TUSC3: variants seen among roughly 807,000 people sequenced by gnomAD.
TUSC3 encodes the protein dolichyl-diphosphooligosaccharide--protein glycosyltransferase subunit TUSC3.
In TUSC3, 45 loss-of-function variants were observed where a neutral mutation model predicts 44.8. The ratio of observed to expected loss-of-function variants is 1.00; its 90% CI spans 0.79 to 1.29. The LOEUF is 1.29. TUSC3 is among the 50% of genes most tolerant of loss of function. The pLI, the probability that TUSC3 is intolerant of heterozygous loss-of-function variation, is 0.00. For synonymous variants in TUSC3, 212 were observed against 152.9 expected (o/e 1.39, Z -2.85); for missense variants, 519 against 437.9 (o/e 1.19, Z -1.65).
chr8:15,432,876 GC>G (rs1251819024), intron 1 of TUSC3, among the ~76,000 whole-genome samples: 2 of 152,136 alleles, frequency 1.3e-5, no homozygotes, highest in Non-Finnish European at 2.9e-5. Context: ...TCAGTTAGGG[GC>G]TGATAAAACC....
chr8:15,792,007 A>T, the TUSC3 span, among the ~76,000 whole-genome samples: 2 of 151,806 alleles, frequency 1.3e-5, no homozygotes, highest in Admixed American at 6.6e-5. Context: ...TTTCTAACAT[A>T]AAAAAAAGCC....
At chr8:15,817,981 A>G in the TUSC3 span, among the ~76,000 whole-genome samples, 1 of 152,154 alleles carries the variant, frequency 6.6e-6, no homozygotes, top group Admixed American at 6.6e-5. Context: ...GGAATGGAAA[A>G]AAGGAGGAAG....
In TUSC3 at chr8:15,466,224, A is replaced by G. The variant is rs531270962; in HGVS notation, n.92-17162A>G. ...TTCTGCCAGGGCCTAACTGTAGCAG[A>G]CACATTTCTTTGGAACAATTTCAAT... On this transcript the variant is annotated intron_variant and non_coding_transcript_variant, in intron 1 of 5. Transcript: ENST00000503191. 3.9e-4 allele frequency among the ~76,000 whole-genome samples: 60 copies of G among 152,322 alleles called. 1 individual carries two copies. Among genetic ancestry groups the G allele is most frequent in the Middle Eastern group, 3.4e-3 (1 of 294 alleles).
Position 15,420,963 on chromosome 8 carries a change from T to A in TUSC3, n.91+3658T>A, listed in dbSNP as rs564646068. 5.3e-4 allele frequency among the ~76,000 whole-genome samples: 80 copies of A among 152,310 alleles called. 1 individual carries two copies. The highest frequency in any genetic ancestry group is 1.8e-3 in the African/African-American group (76 of 41,576). ...GTGATTTAATCTAGTGTCTTTGATT[T>A]AACACCCTTTATATGCAAGTGACAC... On this transcript the variant is annotated intron_variant and non_coding_transcript_variant, in intron 1 of 5. Transcript: ENST00000503191.
intron 2 of TUSC3, among the ~76,000 whole-genome samples, chr8:15,517,354 C>A (rs17657626): frequency 2.0e-5 from 3 of 151,962 alleles, no homozygotes; most frequent in Non-Finnish European, 4.4e-5. Context: ...CTGAATTACA[C>A]CCCGATCTTT....
At chr8:15,436,413 C>G (rs1799945945) in intron 1 of TUSC3, among the ~76,000 whole-genome samples, 1 of 152,172 alleles carries the variant, frequency 6.6e-6, no homozygotes, top group African/African-American at 2.4e-5. Context: ...TTAGATTCGA[C>G]CAACAGTGAG....
intron 1 of TUSC3, among the ~76,000 whole-genome samples, chr8:15,552,526 A>G (rs531242078): frequency 6.6e-6 from 1 of 151,834 alleles, no homozygotes; most frequent in Admixed American, 6.6e-5. Flanking sequence ...AGAGCTAATC[A>G]TAGGAAATAA....
intron 2 of TUSC3, among the ~76,000 whole-genome samples, chr8:15,519,817 G>A (rs1801270427): frequency 6.6e-6 from 1 of 152,174 alleles, no homozygotes; most frequent in African/African-American, 2.4e-5. Context: ...CTAGGTGCCT[G>A]TTCTATGTTA....
At chr8:15,822,811 G>A in the TUSC3 span, among the ~76,000 whole-genome samples, 8 of 152,116 alleles carry the variant, frequency 5.3e-5, no homozygotes, top group Non-Finnish European at 1.2e-4. Context: ...TAAGAACTGA[G>A]AACTGAACAT....
rs577260482 is a variant in TUSC3 at position 15,464,542 on chromosome 8, A to T, written n.92-18844A>T. On this transcript the variant is annotated intron_variant and non_coding_transcript_variant, in intron 1 of 5. Transcript: ENST00000503191. Reference sequence around the variant, plus strand: ...GACACCTGAAACAAATATATGTGTTAAAATAAAGTTATTCAATATTTAGAT... The same window carrying T: ...GACACCTGAAACAAATATATGTGTTTAAATAAAGTTATTCAATATTTAGAT... Among the ~76,000 whole-genome samples, 8 of 152,318 alleles carry T rather than the reference A, an allele frequency of 5.3e-5. No individual in the cohort carries two copies. The East Asian group carries it at 9.6e-4, about 18-fold the overall frequency.
chr8:15,813,993 T>A, the TUSC3 span, among the ~76,000 whole-genome samples: 1 of 152,198 alleles, frequency 6.6e-6, no homozygotes, highest in African/African-American at 2.4e-5. Flanking sequence ...TCTACCTCAC[T>A]GGGTAATTGT....
At chr8:15,521,032 C>A (rs1801290365) in intron 2 of TUSC3, among the ~76,000 whole-genome samples, 1 of 152,156 alleles carries the variant, frequency 6.6e-6, no homozygotes, top group African/African-American at 2.4e-5. Flanking sequence ...GCCAAGGGAC[C>A]AAACATTGAG....
At chr8:15,576,045 TATG>T (rs1222967002) in intron 1 of TUSC3, among the ~76,000 whole-genome samples, 3 of 151,870 alleles carry the variant, frequency 2.0e-5, no homozygotes, top group African/African-American at 7.2e-5. Context: ...ATTTAGAAGT[TATG>T]ATGAAATTTC....
the TUSC3 span, among the ~76,000 whole-genome samples, chr8:15,783,914 G>T: frequency 6.6e-6 from 1 of 152,106 alleles, no homozygotes; most frequent in Non-Finnish European, 1.5e-5. Flanking sequence ...TGAAGAGAAC[G>T]CACAGATGGG....
the TUSC3 span, chr8:15,806,598 T>G: frequency 6.8e-7 from 1 of 1,466,324 alleles, no homozygotes; most frequent in East Asian, 2.3e-5. Context: ...GCAAGGATAA[T>G]GAAGTGATCA....
At position 15,748,387 on chromosome 8, in the gene TUSC3, T is replaced by C. The variant is rs763475064; in HGVS notation, c.950T>C (p.Val317Ala). ...DVGKRRIICL[V>A]GLGLVVFFFS... ...TGTCTGTTTCTAGTAATTTGCCTAG[T>C]GGGATTGGGCCTGGTGGTCTTCTTC... is the stretch of plus-strand genomic sequence containing the variant. Residue 317 changes from valine (V) to alanine (A), a missense_variant, in exon 9 of 11, where the codon GTG becomes GCG. Coordinates refer to ENST00000503731, the MANE Select transcript of TUSC3 (RefSeq NM_006765.4). 1.9e-6 allele frequency: 3 copies of C among 1,613,394 alleles called. No individual in the cohort carries two copies. Among genetic ancestry groups the C allele is most frequent in the South Asian group, 2.2e-5 (2 of 91,070 alleles).
intron 1 of TUSC3, among the ~76,000 whole-genome samples, chr8:15,445,465 C>A (rs538097078): frequency 6.6e-6 from 1 of 152,240 alleles, no homozygotes; most frequent in African/African-American, 2.4e-5. Context: ...GACCCTGCGG[C>A]CTTCCGCAGT....
chr8:15,516,590 G>A (rs1211023399), intron 2 of TUSC3, among the ~76,000 whole-genome samples: 3 of 151,996 alleles, frequency 2.0e-5, no homozygotes, highest in East Asian at 1.9e-4. Context: ...AAAGCATTTG[G>A]CCCCTCCTCG....
chr8:15,650,197 T>C (rs995261079), intron 2 of TUSC3, among the ~76,000 whole-genome samples: 1 of 152,216 alleles, frequency 6.6e-6, no homozygotes, highest in Non-Finnish European at 1.5e-5. Context: ...TAAGGTGGAG[T>C]ATAAGTATTT....
Sources: gnomAD v4.1 joint callset for allele counts (sites outside exome capture counted in the v4.1 genomes callset) on GRCh38, gnomAD v4.1.1 for gene constraint, MANE v1.5 for transcripts, NCBI Gene and HGNC (gene_info 2026-07-23, HGNC 2026-07-21) for gene names.